The following GPR39 variants were observed in gnomAD, a reference collection of about 807,000 sequenced individuals.
GPR39 encodes zinc sensing receptor.
A neutral mutation model predicts 18.4 loss-of-function variants in GPR39; 23 were observed. The observed-to-expected ratio is 1.25, with a 90% confidence interval of 0.90 to 1.77. The LOEUF (loss-of-function observed/expected upper bound fraction) is 1.77. Among genes scored for constraint, GPR39 ranks in the 40% most tolerant of loss-of-function variants. The pLI is 0.00. For synonymous variants in GPR39, 280 were observed against 257.9 expected (o/e 1.09, Z -0.82); for missense variants, 647 against 602.4 (o/e 1.07, Z -0.78).
At chr2:132,617,113 G>T (rs1681351589) in intron 1 of GPR39, among the ~76,000 whole-genome samples, 1 of 152,170 alleles carries the variant, frequency 6.6e-6, no homozygotes. Context: ...TGTCTCATTT[G>T]TTTAGCAGCT....
intron 1 of GPR39, among the ~76,000 whole-genome samples, chr2:132,496,097 C>T (rs1681636928): frequency 6.6e-6 from 1 of 152,148 alleles, no homozygotes; most frequent in East Asian, 1.9e-4. Context: ...AACCAGTCTC[C>T]CTTCCAGAGA....
intron 1 of GPR39, among the ~76,000 whole-genome samples, chr2:132,634,685 C>A (rs981629992): frequency 6.6e-6 from 1 of 152,190 alleles, no homozygotes; most frequent in Non-Finnish European, 1.5e-5. Context: ...TGGCAGCAGA[C>A]CCCAGCCTTA....
rs952680894 is a variant in GPR39 at position 132,540,807 on chromosome 2, G to A, written c.857-104294G>A. 5.3e-5 allele frequency among the ~76,000 whole-genome samples: 8 copies of A among 152,260 alleles called. No homozygotes were observed. In the East Asian group the frequency reaches 1.5e-3, roughly 29 times the overall value. On this transcript the variant is annotated intron_variant, in intron 1 of 1. Coordinates refer to ENST00000329321, the MANE Select transcript of GPR39 (RefSeq NM_001508.3). ...CTGGGGCACCCATATCCTCTTGCTCGAGTGTGGTATGAAATTGAAACTGGG... is the reference window on the plus strand; with the variant it reads ...CTGGGGCACCCATATCCTCTTGCTCAAGTGTGGTATGAAATTGAAACTGGG...
intron 1 of GPR39, among the ~76,000 whole-genome samples, chr2:132,591,600 A>G (rs1680845607): frequency 1.3e-5 from 2 of 152,266 alleles, no homozygotes; most frequent in Middle Eastern, 3.4e-3. Flanking sequence ...GTATACATCT[A>G]TCCTATTAGC....
intron 1 of GPR39, among the ~76,000 whole-genome samples, chr2:132,490,919 G>T (rs1339183935): frequency 3.3e-5 from 5 of 152,192 alleles, no homozygotes; most frequent in Non-Finnish European, 7.3e-5. Context: ...GGCTAAAGGG[G>T]CTGCGAAGGC....
rs199613447 is a variant in GPR39 at position 132,417,731 on chromosome 2, T to C, written c.689T>C (p.Val230Ala). The change falls in exon 1 of 2, where the codon GTC becomes GCC. Residue 230 changes from valine to alanine, a missense_variant. This residue lies in a region of GPR39 where 581 missense variants were observed against 506.8 expected (regional missense o/e 1.15). Coordinates refer to ENST00000329321, the MANE Select transcript of GPR39 (RefSeq NM_001508.3). ...TCCAGCATCTTCGGCGCCTTCGTGG[T>C]CTACCTCGTGGTCCTGCTCTCCGTA... ...FQSSIFGAFV[V>A]YLVVLLSVAF... 1.2e-4 allele frequency: 200 copies of C among 1,614,056 alleles called. 4 individuals carry two copies. In the East Asian group the frequency reaches 3.3e-3, roughly 26 times the overall value.
At chr2:132,601,591 A>T (rs1035395899) in intron 1 of GPR39, among the ~76,000 whole-genome samples, 8 of 152,146 alleles carry the variant, frequency 5.3e-5, no homozygotes, top group Non-Finnish European at 8.8e-5. Flanking sequence ...GAGTAATTAG[A>T]TAAAAGAAAA....
At chr2:132,568,682 G>A (rs1680392919) in intron 1 of GPR39, among the ~76,000 whole-genome samples, 1 of 151,968 alleles carries the variant, frequency 6.6e-6, no homozygotes, top group African/African-American at 2.4e-5. Flanking sequence ...CTCCAGTCTG[G>A]GTGACAGAGC....
intron 1 of GPR39, among the ~76,000 whole-genome samples, chr2:132,638,616 A>G (rs1681808192): frequency 6.6e-6 from 1 of 152,242 alleles, no homozygotes; most frequent in Non-Finnish European, 1.5e-5. Flanking sequence ...CTCGGGTCAG[A>G]CAAGGTCAGT....
intron 1 of GPR39, among the ~76,000 whole-genome samples, chr2:132,513,418 G>A (rs1310552040): frequency 2.0e-5 from 3 of 151,640 alleles, no homozygotes; most frequent in East Asian, 3.9e-4. Flanking sequence ...AGCTGAGATC[G>A]CGCCACTGCA....
intron 1 of GPR39, among the ~76,000 whole-genome samples, chr2:132,604,104 C>T (rs979126100): frequency 1.3e-5 from 2 of 152,098 alleles, no homozygotes; most frequent in Non-Finnish European, 2.9e-5. Flanking sequence ...CTGTGAGTCC[C>T]AGGTTGTTCC....
At chr2:132,555,162 G>C (rs752557088) in intron 1 of GPR39, among the ~76,000 whole-genome samples, 7 of 152,180 alleles carry the variant, frequency 4.6e-5, no homozygotes, top group Admixed American at 2.0e-4. Context: ...ATGTTAGCCA[G>C]GATGGTCTTG....
chr2:132,631,755 C>T (rs1005725929), intron 1 of GPR39, among the ~76,000 whole-genome samples: 2 of 151,522 alleles, frequency 1.3e-5, no homozygotes, highest in Non-Finnish European at 2.9e-5. Flanking sequence ...TGGGGAGGGG[C>T]GGAGTCAGCC....
intron 1 of GPR39, among the ~76,000 whole-genome samples, chr2:132,606,646 A>G (rs1214840694): frequency 6.6e-6 from 1 of 152,220 alleles, no homozygotes; most frequent in Admixed American, 6.5e-5. Context: ...GATCCTTTGC[A>G]GTATCCTAAG....
At chr2:132,469,118 G>GCTTCATT (rs796442277) in intron 1 of GPR39, among the ~76,000 whole-genome samples, 55 of 152,276 alleles carry the variant, frequency 3.6e-4, no homozygotes, top group African/African-American at 1.3e-3. Flanking sequence ...CCTGCAAGTT[G>GCTTCATT]CTTCATTCCG....
intron 1 of GPR39, among the ~76,000 whole-genome samples, chr2:132,501,781 G>A (rs1211389179): frequency 6.6e-6 from 1 of 152,084 alleles, no homozygotes; most frequent in Non-Finnish European, 1.5e-5. Context: ...TATGTATTTA[G>A]AATTGTGATA....
chr2:132,548,313 A>G (rs1340653741), intron 1 of GPR39, among the ~76,000 whole-genome samples: 1 of 152,220 alleles, frequency 6.6e-6, no homozygotes, highest in Non-Finnish European at 1.5e-5. Flanking sequence ...CTTCTGGAAC[A>G]TTCCACTTGG....
At chr2:132,543,722 T>G in intron 1 of GPR39, among the ~76,000 whole-genome samples, 1 of 152,188 alleles carries the variant, frequency 6.6e-6, no homozygotes, top group Non-Finnish European at 1.5e-5. Flanking sequence ...GAATTTGTAA[T>G]GGATCTTTGT....
intron 1 of GPR39, among the ~76,000 whole-genome samples, chr2:132,501,348 A>G (rs1437079236): frequency 6.6e-6 from 1 of 152,160 alleles, no homozygotes; most frequent in African/African-American, 2.4e-5. Flanking sequence ...ATGAGCATTC[A>G]GGAGCAGGTT....
Sources: gnomAD v4.1 joint callset for allele counts (sites outside exome capture counted in the v4.1 genomes callset) on GRCh38, gnomAD v4.1.1 for gene constraint, gnomAD v4.1.1 regional missense constraint, MANE v1.5 for transcripts, NCBI Gene and HGNC (gene_info 2026-07-23, HGNC 2026-07-21) for gene names.